The following NR5A2 variants were observed in gnomAD, a reference collection of about 807,000 sequenced individuals.
The protein encoded by NR5A2 is CYP7A promoter-binding factor.
NR5A2 carries 26 observed loss-of-function variants against 62.7 expected under a neutral mutation model. The ratio of observed to expected loss-of-function variants is 0.41; its 90% CI spans 0.30 to 0.58. NR5A2 has a LOEUF of 0.58. Ranked by LOEUF, NR5A2 falls within the 20% of genes least tolerant of loss-of-function variation. The pLI is 0.22. For missense variants in NR5A2, 541 were observed against 669.1 expected (o/e 0.81, Z 2.11); for synonymous variants, 246 against 241.7 (o/e 1.02, Z -0.16).
intron 3 of NR5A2, chr1:200,044,339 T>C (rs1304223557): frequency 6.6e-6 from 1 of 152,242 alleles, no homozygotes; most frequent in Non-Finnish European, 1.5e-5. Context: ...AATTCCCAAC[T>C]GTGTGATTTC....
chr1:200,148,045 G>T (rs542159410), intron 7 of NR5A2: 1 of 301,386 alleles, frequency 3.3e-6, no homozygotes, highest in Non-Finnish European at 6.5e-6. Context: ...TCGCTGGAGC[G>T]CACGGTCCCC....
At chr1:200,103,795 G>A (rs1218682784) in intron 5 of NR5A2, among the ~76,000 whole-genome samples, 3 of 152,196 alleles carry the variant, frequency 2.0e-5, no homozygotes, top group Admixed American at 6.5e-5. Flanking sequence ...ATCTGGTTTA[G>A]TGAAGATTTT....
chr1:200,117,575 T>C (rs1666282981), intron 6 of NR5A2, among the ~76,000 whole-genome samples: 1 of 152,226 alleles, frequency 6.6e-6, no homozygotes, highest in Non-Finnish European at 1.5e-5. Context: ...GTATTTGAAC[T>C]TATTATTATA....
chr1:200,141,793 G>A (rs960072224), intron 7 of NR5A2, among the ~76,000 whole-genome samples: 9 of 152,178 alleles, frequency 5.9e-5, no homozygotes, highest in Admixed American at 1.3e-4. Context: ...AAAACTTGAA[G>A]TTGACAATAT....
intron 5 of NR5A2, among the ~76,000 whole-genome samples, chr1:200,072,900 T>C (rs1366853007): frequency 1.3e-5 from 2 of 152,148 alleles, no homozygotes; most frequent in African/African-American, 4.8e-5. Flanking sequence ...TTTAGAGGGT[T>C]AATTGATTTT....
chr1:200,035,675 T>C (rs1661743742), intron 1 of NR5A2, among the ~76,000 whole-genome samples: 1 of 152,166 alleles, frequency 6.6e-6, no homozygotes, highest in Non-Finnish European at 1.5e-5. Context: ...ATGCTAGGAC[T>C]GCGCTTCTCC....
intron 5 of NR5A2, among the ~76,000 whole-genome samples, chr1:200,106,773 A>T (rs910900373): frequency 6.6e-6 from 1 of 152,212 alleles, no homozygotes; most frequent in African/African-American, 2.4e-5. Context: ...TAAAAAACAA[A>T]AAATCTTCAA....
intron 5 of NR5A2, among the ~76,000 whole-genome samples, chr1:200,054,569 AAATT>A (rs1309265230): frequency 6.6e-6 from 1 of 152,194 alleles, no homozygotes; most frequent in Non-Finnish European, 1.5e-5. Flanking sequence ...AAAAAAATCT[AAATT>A]AATCCTGACT....
chr1:200,046,647 T>C (rs1369109968), intron 4 of NR5A2, among the ~76,000 whole-genome samples: 2 of 152,216 alleles, frequency 1.3e-5, no homozygotes. Context: ...TTAATGTCAG[T>C]ATCATTTTTA....
intron 7 of NR5A2, among the ~76,000 whole-genome samples, chr1:200,133,781 A>G (rs1023444902): frequency 2.6e-5 from 4 of 151,972 alleles, no homozygotes; most frequent in African/African-American, 9.7e-5. Context: ...ATATAAAAGA[A>G]AACTTACTAT....
chr1:200,073,348 A>T, intron 5 of NR5A2, among the ~76,000 whole-genome samples: 1 of 51,422 alleles, frequency 1.9e-5, no homozygotes, highest in South Asian at 5.6e-4. Flanking sequence ...ATTCCCCTTT[A>T]TATATATATG....
intron 5 of NR5A2, among the ~76,000 whole-genome samples, chr1:200,084,476 T>C (rs1664437276): frequency 6.6e-6 from 1 of 152,196 alleles, no homozygotes; most frequent in African/African-American, 2.4e-5. Flanking sequence ...GATTTATAGT[T>C]AGTAACTTTA....
At chr1:200,042,732 C>T (rs950439563) in intron 2 of NR5A2, 5 of 888,642 alleles carry the variant, frequency 5.6e-6, no homozygotes, top group Non-Finnish European at 6.7e-6. Flanking sequence ...CCGCGCCCCG[C>T]GCTCCCATAC....
At chr1:200,173,770 C>T (rs1364399922) in intron 7 of NR5A2, among the ~76,000 whole-genome samples, 193 bp from the exon 8 acceptor site, 1 of 152,136 alleles carries the variant, frequency 6.6e-6, no homozygotes, top group Non-Finnish European at 1.5e-5. Context: ...TTCAACAAGA[C>T]ATTCTTCTAA....
chr1:200,037,916 C>T (rs2102141491), intron 1 of NR5A2, among the ~76,000 whole-genome samples: 1 of 152,328 alleles, frequency 6.6e-6, no homozygotes, highest in Middle Eastern at 3.4e-3. Context: ...TTCCAAGTCA[C>T]CAAATACCGG....
intron 7 of NR5A2, among the ~76,000 whole-genome samples, chr1:200,135,877 C>G (rs1033464870): frequency 2.0e-5 from 3 of 152,190 alleles, no homozygotes; most frequent in Non-Finnish European, 4.4e-5. Flanking sequence ...TGCCTCTTCT[C>G]AGATACAATC....
At chr1:200,067,112 G>C (rs564996069) in intron 5 of NR5A2, among the ~76,000 whole-genome samples, 1 of 152,292 alleles carries the variant, frequency 6.6e-6, no homozygotes, top group East Asian at 1.9e-4. Context: ...AATTAAGACA[G>C]AGGGGTATAA....
intron 5 of NR5A2, among the ~76,000 whole-genome samples, chr1:200,063,062 C>T (rs1191528652): frequency 6.6e-6 from 1 of 150,620 alleles, no homozygotes; most frequent in Admixed American, 6.6e-5. Context: ...CTCATTCTGT[C>T]ACCCAGGCTG....
chr1:200,074,728 G>C (rs1361351682), intron 5 of NR5A2, among the ~76,000 whole-genome samples: 4 of 53,318 alleles, frequency 7.5e-5, no homozygotes, highest in Non-Finnish European at 9.8e-5. Context: ...CAGGGCGAGA[G>C]TCCATCTCAA....
Sources: allele counts gnomAD v4.1 joint callset (sites outside exome capture counted in the v4.1 genomes callset), GRCh38; gene constraint gnomAD v4.1.1; transcripts MANE v1.5; gene names NCBI Gene and HGNC (gene_info 2026-07-23, HGNC 2026-07-21).